The following SPIRE2 variants were observed in gnomAD, a reference collection of about 807,000 sequenced individuals.
SPIRE2 encodes spire type actin nucleation factor 2, also known as protein spire homolog 2.
In SPIRE2, 76 loss-of-function variants were observed where a neutral mutation model predicts 80.7. That is an observed-to-expected ratio of 0.94 (90% CI 0.78 to 1.14). The LOEUF (loss-of-function observed/expected upper bound fraction) is 1.14. Among genes scored for constraint, SPIRE2 ranks in the 50% most tolerant of loss-of-function variants. The pLI is 0.00. For missense variants in SPIRE2, 1,196 were observed against 1,015.3 expected (o/e 1.18, Z -2.42); for synonymous variants, 535 against 432.6 (o/e 1.24, Z -2.94).
At chr16:89,829,429 A>G (rs956795386) in intron 1 of SPIRE2, among the ~76,000 whole-genome samples, 2 of 152,234 alleles carry the variant, frequency 1.3e-5, no homozygotes, top group African/African-American at 4.8e-5. Flanking sequence ...CTTTACGAAA[A>G]AAACCGAAAG....
At position 89,860,685 on chromosome 16, in the gene SPIRE2, A is replaced by G. The variant is rs370058356; in HGVS notation, c.1465A>G (p.Thr489Ala). The part of the protein sequence containing the change: ...VWRPGSRDQG[T>A]CPASVSDPSH... ...ATGGAGCCTCTGCTCTCCCCCAGGTACCTGTCCCGCGAGTGTCTCTGACCC... is the reference window on the plus strand; with the variant it reads ...ATGGAGCCTCTGCTCTCCCCCAGGTGCCTGTCCCGCGAGTGTCTCTGACCC... Residue 489 changes from threonine to alanine, a missense_variant and splice_region_variant, in exon 10 of 15, where the codon ACC (threonine) becomes GCC (alanine). Thr to Ala is a moderately conservative substitution (Grantham distance 58). Transcript: ENST00000378247. 22 of 1,583,206 alleles carry G rather than the reference A, an allele frequency of 1.4e-5. No homozygotes were observed. In the African/African-American group the frequency reaches 2.8e-4, roughly 20 times the overall value.
rs1282615008 is a variant in SPIRE2, at chr16:89,850,446, C to T, written c.431C>T (p.Ala144Val). 1.3e-6 allele frequency: 2 copies of T among 1,570,720 alleles called. No individual in the cohort carries two copies. Among genetic ancestry groups the T allele is most frequent in the South Asian group, 1.2e-5 (1 of 84,592 alleles). Residue 144 changes from alanine to valine, a missense_variant, in exon 3 of 15, where the codon GCC becomes GTC. Coordinates refer to ENST00000378247, the MANE Select transcript of SPIRE2 (RefSeq NM_032451.2). The part of the protein sequence containing the change: ...NNDSEDSGCG[A>V]ADEGYGGPEE... The stretch of plus-strand genomic sequence containing the variant: ...GACAGCGAGGACAGCGGCTGCGGTG[C>T]CGCCGATGAGGGCTACGGGGGTCCC...
At chr16:89,854,119 C>T (rs1400302569) in intron 3 of SPIRE2, among the ~76,000 whole-genome samples, 167 bp from the exon 4 acceptor site, 1 of 152,276 alleles carries the variant, frequency 6.6e-6, no homozygotes, top group African/African-American at 2.4e-5. Context: ...TCGGTTTCCC[C>T]AGATACCTTT....
At position 89,868,071 on chromosome 16, in the gene SPIRE2, T is replaced by A. The variant is rs181125490; in HGVS notation, c.1779-118T>A. On this transcript the variant is annotated intron_variant, in intron 12 of 14. Transcript: ENST00000378247. ...AATAAAGTACTGAAGTAACCAAGCA[T>A]CAGGCAGAAGGCAAGGATGGTTTGA... is the stretch of plus-strand genomic sequence containing the variant. 4.4e-5 allele frequency: 48 copies of A among 1,103,416 alleles called. No individual in the cohort carries two copies. In the Admixed American group the frequency reaches 8.2e-4, roughly 19 times the overall value. The allele number at this position is 1,103,416 out of a possible 1,614,324, so 68.4% of individuals were successfully genotyped here.
chr16:89,840,616 T>G (rs2041496956), intron 1 of SPIRE2, among the ~76,000 whole-genome samples: 1 of 145,162 alleles, frequency 6.9e-6, no homozygotes, highest in Non-Finnish European at 1.5e-5. Flanking sequence ...ATGGTTTGCA[T>G]AAAAATAAAA....
intron 9 of SPIRE2, 100 bp downstream of exon 9, chr16:89,859,454 C>A: frequency 2.8e-6 from 2 of 726,940 alleles, no homozygotes; most frequent in Non-Finnish European, 3.9e-6. Flanking sequence ...CCTGAGCAGG[C>A]AGCTCCCAGG....
In SPIRE2 at chr16:89,828,856, G is replaced by C. The variant is rs1005101210; in HGVS notation, c.244+62G>C. 8 of 1,147,696 alleles carry C rather than the reference G, an allele frequency of 7.0e-6. No homozygotes were observed. The highest frequency in any genetic ancestry group is 5.4e-6 in the Non-Finnish European group (5 of 929,462). The allele number at this position is 1,147,696 out of a possible 1,614,324, so 71.1% of individuals were successfully genotyped here. Reference sequence around the variant, plus strand: ...GTCTGGGGCGTCCGTCCCGCCCCCTGGGTGGGGGTGGTCCCGGCGGAGAGG... The same window carrying C: ...GTCTGGGGCGTCCGTCCCGCCCCCTCGGTGGGGGTGGTCCCGGCGGAGAGG... On this transcript the variant is annotated intron_variant, in intron 1 of 14. Transcript: ENST00000378247. This position sits in a 1 kb window ranked among gnomAD's most constrained non-coding sequence, Gnocchi z 5.9.
chr16:89,836,887 G>A (rs1231259409), intron 1 of SPIRE2, among the ~76,000 whole-genome samples: 1 of 151,906 alleles, frequency 6.6e-6, no homozygotes, highest in Non-Finnish European at 1.5e-5. Flanking sequence ...CCCAGCTACT[G>A]AGGAGGATGA....
chr16:89,839,832 G>C (rs1301911437), intron 1 of SPIRE2, among the ~76,000 whole-genome samples: 1 of 152,234 alleles, frequency 6.6e-6, no homozygotes, highest in African/African-American at 2.4e-5. Flanking sequence ...GGCTAAGAGA[G>C]TCAAAGGCAG....
rs569444083 is a variant in SPIRE2 at position 89,839,890 on chromosome 16, C to T, written c.245-5432C>T. ...CCAGGGGGCCCTGGTGGCCTCACTG[C>T]CATTGTCACTGATGATCATGCCTGT... On this transcript the variant is annotated intron_variant, in intron 1 of 14. Transcript: ENST00000378247. Among the ~76,000 whole-genome samples the T allele has an allele frequency of 3.3e-5, 5 of 152,282 alleles. No individual in the cohort carries two copies. The South Asian group carries it at 1.0e-3, about 32-fold the overall frequency.
intron 1 of SPIRE2, among the ~76,000 whole-genome samples, chr16:89,844,122 C>T (rs950640381): frequency 1.5e-4 from 22 of 151,162 alleles, no homozygotes; most frequent in Non-Finnish European, 2.5e-4. Flanking sequence ...AGCAGGACTA[C>T]AGGCACCTGC....
At chr16:89,845,602 CAG>C (rs1241475086) in intron 2 of SPIRE2, 2 of 702,336 alleles carry the variant, frequency 2.8e-6, no homozygotes, top group Non-Finnish European at 5.2e-6. Context: ...CTGGAGGAGG[CAG>C]TGGTGTTACT....
chr16:89,850,593 G>A lies in SPIRE2; in HGVS notation c.578G>A (p.Cys193Tyr), dbSNP rs1398779816. The stretch of plus-strand genomic sequence containing the variant: ...GCACAGGCGCATTACCAGGCCGTGT[G>A]CCGCGCGCTCTTCGTGGAGACGCTG... ...RGAQAHYQAV[C>Y]RALFVETLEL... Residue 193 changes from cysteine to tyrosine, a missense_variant, in exon 3 of 15, where the codon TGC (cysteine) becomes TAC (tyrosine). Physicochemically the swap from Cys to Tyr is radical, Grantham distance 194. Coordinates refer to ENST00000378247, the MANE Select transcript of SPIRE2 (RefSeq NM_032451.2). 7 of 1,519,846 alleles carry A rather than the reference G, an allele frequency of 4.6e-6. No individual in the cohort carries two copies. Among genetic ancestry groups the A allele is most frequent in the Non-Finnish European group, 6.1e-6 (7 of 1,139,334 alleles). The allele number at this position is 1,519,846 out of a possible 1,614,324, so 94.1% of individuals were successfully genotyped here.
Position 89,858,449 on chromosome 16 carries a change from C to G in SPIRE2, c.1214C>G (p.Pro405Arg). 1 of 1,611,182 alleles carries G rather than the reference C, an allele frequency of 6.2e-7. No homozygotes were observed. Among genetic ancestry groups the G allele is most frequent in the Non-Finnish European group, 8.5e-7 (1 of 1,179,330 alleles). ...DAGGSAQRPR[P>R]RVLLKAPTLA... ...GGGGGCAGCGCCCAGCGCCCGCGGC[C>G]CCGCGTGCTGCTCAAGGCGCCTACC... Residue 405 changes from proline to arginine, a missense_variant, in exon 8 of 15, where the codon CCC becomes CGC. Transcript: ENST00000378247.
chr16:89,836,616 C>T (rs1029521210), intron 1 of SPIRE2, among the ~76,000 whole-genome samples: 6 of 151,924 alleles, frequency 3.9e-5, no homozygotes, highest in South Asian at 2.1e-4. Flanking sequence ...TGCAAGAATC[C>T]GGAATGTACA....
intron 8 of SPIRE2, 147 bp from the exon 9 acceptor site, chr16:89,859,018 G>T: frequency 2.9e-6 from 2 of 684,532 alleles, no homozygotes; most frequent in East Asian, 3.1e-5. Context: ...GAACTGTCCA[G>T]AGGCGGGCAG....
At chr16:89,838,143 G>T (rs1036022445) in intron 1 of SPIRE2, among the ~76,000 whole-genome samples, 5 of 149,364 alleles carry the variant, frequency 3.3e-5, no homozygotes, top group African/African-American at 1.2e-4. Flanking sequence ...GGGACCACAG[G>T]CACACACCAC....
intron 5 of SPIRE2, among the ~76,000 whole-genome samples, chr16:89,855,392 C>T (rs1038418547): frequency 1.3e-5 from 2 of 152,064 alleles, no homozygotes; most frequent in African/African-American, 4.8e-5. Context: ...GGGGACGCGT[C>T]AGACCATGGA....
intron 2 of SPIRE2, chr16:89,845,689 C>G: frequency 1.5e-6 from 1 of 673,594 alleles, no homozygotes; most frequent in South Asian, 1.6e-5. Flanking sequence ...GAGCCGGGGT[C>G]AGGGAGACGA....
Sources: allele counts gnomAD v4.1 joint callset (sites outside exome capture counted in the v4.1 genomes callset), GRCh38; gene constraint gnomAD v4.1.1; non-coding constraint Gnocchi (gnomAD v3.1); transcripts MANE v1.5; gene names NCBI Gene and HGNC (gene_info 2026-07-23, HGNC 2026-07-21).